Variants in PITRM1 observed in about 807,000 individuals in gnomAD.
PITRM1 encodes the protein pitrilysin metallopeptidase 1.
A neutral mutation model predicts 129.9 loss-of-function variants in PITRM1; 100 were observed. The ratio of observed to expected loss-of-function variants is 0.77; its 90% CI spans 0.65 to 0.91. PITRM1 has a LOEUF of 0.91. PITRM1 is among the 40% of genes least tolerant of loss of function. The probability of loss-of-function intolerance (pLI) is 0.00; values close to 1 mark genes in which losing one functional copy is unlikely to be tolerated. For synonymous variants in PITRM1, 591 were observed against 508.8 expected, an observed-to-expected ratio of 1.16 and a Z score of -2.17; for missense variants, 1,471 against 1,318.3, an observed-to-expected ratio of 1.12 and a Z score of -1.79.
chr10:3,165,646 G>A, intron 4 of PITRM1, 119 bp from the exon 5 acceptor site: 2 of 672,702 alleles, frequency 3.0e-6, no homozygotes, highest in Non-Finnish European at 5.1e-6. Context: ...TCTTGGGATG[G>A]GGCAGTGGCC....
chr10:3,165,372 T>C (rs1842775979), intron 5 of PITRM1, 38 bp from the exon 6 acceptor site: 19 of 1,600,810 alleles, frequency 1.2e-5, no homozygotes, highest in Non-Finnish European at 1.4e-5. Flanking sequence ...GTGACTCAAA[T>C]ACTAAAGTCT....
In PITRM1 at chr10:3,170,097, C is replaced by T; in HGVS notation, c.159+7G>A. On this transcript the variant is annotated splice_region_variant and intron_variant, in intron 2 of 26. Transcript: ENST00000224949. ...ATTTATAAGGAGGTGCCGAGGACGA[C>T]CCATACCTGGTTTACGGTGAATCCA... is the stretch of plus-strand genomic sequence containing the variant. 6.2e-7 allele frequency: 1 copy of T among 1,602,926 alleles called. No individual in the cohort carries two copies. The highest frequency in any genetic ancestry group is 8.5e-7 in the Non-Finnish European group (1 of 1,169,854).
At chr10:3,168,915 T>TACACAC (rs61366911) in intron 2 of PITRM1, among the ~76,000 whole-genome samples, 26 of 142,946 alleles carry the variant, frequency 1.8e-4, no homozygotes, top group Admixed American at 1.3e-3. Context: ...AGTTTCCATC[T>TACACAC]ACACACACAC....
In PITRM1 at chr10:3,138,029, G is replaced by A. The variant is rs1301917961; in HGVS notation, c.*2C>T. The A allele has an allele frequency of 1.4e-5, 23 of 1,588,888 alleles. No individual in the cohort carries two copies. Among genetic ancestry groups the A allele is most frequent in the South Asian group, 2.3e-5 (2 of 88,190 alleles). On this transcript the variant is annotated 3_prime_UTR_variant, in exon 27 of 27. Transcript: ENST00000224949. The stretch of plus-strand genomic sequence containing the variant: ...TCCTGTGCAGTCGAGCGCCACGGCT[G>A]CTCATTGGATGATCCAGGATGGGTC...
At position 3,137,840 on chromosome 10, in the gene PITRM1, C is replaced by T. The variant is rs568014012; in HGVS notation, c.*191G>A. On this transcript the variant is annotated 3_prime_UTR_variant, in exon 27 of 27. Coordinates refer to ENST00000224949, the MANE Select transcript of PITRM1 (RefSeq NM_014889.4). ...CATGGTGCATCTTTGGCGCTTCATG[C>T]ATGATTATTTCAATGAACCTCTTCC... The T allele has an allele frequency of 7.1e-5, 41 of 577,794 alleles. No individual in the cohort carries two copies. Among genetic ancestry groups the T allele is most frequent in the Non-Finnish European group, 1.1e-4 (35 of 323,382 alleles). 35.8% of individuals were successfully genotyped at this position (577,794 alleles called of 1,614,324 possible). A position where few individuals can be genotyped will look rare whatever the true frequency, so the allele number is the denominator to read the frequency against.
chr10:3,158,850 G>A (rs547958914), intron 10 of PITRM1, 64 bp downstream of exon 10: 181 of 1,493,914 alleles, frequency 1.2e-4, no homozygotes, highest in Admixed American at 1.8e-4. Flanking sequence ...AGGGTGCGGA[G>A]GTGGAGGAGC....
rs115278612 is a variant in PITRM1, at chr10:3,164,450, T to C, written c.631-565A>G. On this transcript the variant is annotated intron_variant, in intron 6 of 26. Transcript: ENST00000224949. ...ATCCAAAATGGTCTCAAGAATCCTT[T>C]ACACTCTGAAAAATTAACCCATTTA... is the stretch of plus-strand genomic sequence containing the variant. 5.6e-3 allele frequency among the ~76,000 whole-genome samples: 858 copies of C among 152,322 alleles called. 6 individuals are homozygous for C. The highest frequency in any genetic ancestry group is 0.02 in the African/African-American group (828 of 41,568).
chr10:3,163,912 A>G (rs188428166), intron 6 of PITRM1, 27 bp from the exon 7 acceptor site: 1 of 1,528,514 alleles, frequency 6.5e-7, no homozygotes, highest in Non-Finnish European at 9.0e-7. Flanking sequence ...AATAAATCAT[A>G]AGTATACATG....
intron 9 of PITRM1, among the ~76,000 whole-genome samples, chr10:3,159,249 C>T (rs1842237142): frequency 6.6e-6 from 1 of 152,220 alleles, no homozygotes; most frequent in Admixed American, 6.5e-5. Flanking sequence ...AACTTCACTG[C>T]ACACGAAATG....
At chr10:3,170,239 G>A in intron 1 of PITRM1, 33 bp from the exon 2 acceptor site, 1 of 1,481,270 alleles carries the variant, frequency 6.8e-7, no homozygotes, top group Non-Finnish European at 9.4e-7. Context: ...TAGATGAGTT[G>A]CAGGAAAAGT....
In PITRM1 at chr10:3,139,057, A is replaced by T. The variant is rs1839917532; in HGVS notation, c.2772-8T>A. 1 of 1,612,478 alleles carries T rather than the reference A, an allele frequency of 6.2e-7. No individual in the cohort carries two copies. ...TCTATTGTATTTGGGTCCCTAGGAA[A>T]CCCAGAGAAATAAACGGGCAAGCAT... On this transcript the variant is annotated splice_polypyrimidine_tract_variant and splice_region_variant and intron_variant, in intron 24 of 26. Transcript: ENST00000224949.
intron 1 of PITRM1, among the ~76,000 whole-genome samples, chr10:3,171,146 T>TAAAAAAAAAAAACAAAAAAAAAAA (rs1588736135): frequency 2.8e-5 from 1 of 36,240 alleles, no homozygotes; most frequent in Non-Finnish European, 5.3e-5. Flanking sequence ...AATCGTTCAA[T>TAAAAAAAAAAAACAAAAAAAAAAA]TAAAAAAAAA....
intron 24 of PITRM1, among the ~76,000 whole-genome samples, chr10:3,139,332 G>A (rs1364967395): frequency 6.6e-6 from 1 of 152,204 alleles, no homozygotes; most frequent in Non-Finnish European, 1.5e-5. Context: ...CTCATCAGGA[G>A]AGGAAAGTCA....
intron 1 of PITRM1, among the ~76,000 whole-genome samples, chr10:3,171,719 G>A (rs1474903755): frequency 1.3e-5 from 2 of 152,050 alleles, no homozygotes; most frequent in Non-Finnish European, 2.9e-5. Context: ...GATTACAGGT[G>A]TGAGCCACCG....
intron 24 of PITRM1, among the ~76,000 whole-genome samples, chr10:3,140,086 A>G (rs1302408935): frequency 6.6e-6 from 1 of 152,158 alleles, no homozygotes; most frequent in Admixed American, 6.5e-5. Flanking sequence ...TTTTTCCTAT[A>G]CCTATGATAA....
intron 7 of PITRM1, among the ~76,000 whole-genome samples, chr10:3,162,636 C>T (rs1842545205): frequency 6.6e-6 from 1 of 152,192 alleles, no homozygotes; most frequent in Non-Finnish European, 1.5e-5. Context: ...GGAGAGCTCC[C>T]CATGAGGGAC....
chr10:3,159,115 T>C, intron 9 of PITRM1, 73 bp from the exon 10 acceptor site: 12 of 1,317,000 alleles, frequency 9.1e-6, no homozygotes, highest in Non-Finnish European at 1.3e-5. Flanking sequence ...TATGCACATT[T>C]TATTTAAAAC....
rs139392007 is a variant in PITRM1 at position 3,138,518 on chromosome 10, G to A, written c.2918-181C>T. ...CCGACCTCCAGCTCCCACGTGCCAC[G>A]CTGACCCCTACCCACGCCTGCTTCT... is the stretch of plus-strand genomic sequence containing the variant. On this transcript the variant is annotated intron_variant, in intron 25 of 26. Coordinates refer to ENST00000224949, the MANE Select transcript of PITRM1 (RefSeq NM_014889.4). 409 of 631,038 alleles carry A rather than the reference G, an allele frequency of 6.5e-4. 3 individuals carry two copies. In the East Asian group the frequency reaches 9.5e-3, roughly 15 times the overall value. The allele number at this position is 631,038 out of a possible 1,614,324, so 39.1% of individuals were successfully genotyped here. A position where few individuals can be genotyped will look rare whatever the true frequency, so the allele number is the denominator to read the frequency against.
At chr10:3,160,029 G>T in intron 8 of PITRM1, 93 bp from the exon 9 acceptor site, 1 of 1,234,400 alleles carries the variant, frequency 8.1e-7, no homozygotes, top group African/African-American at 1.5e-5. Context: ...AGCGAAACAG[G>T]CTTTCCACTA....
Sources: gnomAD v4.1 joint callset for allele counts (sites outside exome capture counted in the v4.1 genomes callset) on GRCh38, gnomAD v4.1.1 for gene constraint, MANE v1.5 for transcripts, NCBI Gene and HGNC (gene_info 2026-07-23, HGNC 2026-07-21) for gene names.